The following KCNIP4 variants were observed in gnomAD, a reference collection of about 807,000 sequenced individuals.
The protein encoded by KCNIP4 is potassium voltage-gated channel interacting protein 4.
In KCNIP4, 12 loss-of-function variants were observed where a neutral mutation model predicts 34.0. That is an observed-to-expected ratio of 0.35 (90% confidence interval 0.23 to 0.57). The LOEUF is 0.57. KCNIP4 is among the 20% of genes least tolerant of loss of function. KCNIP4 has a pLI of 0.83. For synonymous variants in KCNIP4, 124 were observed against 102.2 expected, an observed-to-expected ratio of 1.21 and a Z score of -1.29; for missense variants, 238 against 311.7, an observed-to-expected ratio of 0.76 and a Z score of 1.78.
At chr4:20,969,576 G>A (rs1239760345) in intron 1 of KCNIP4, among the ~76,000 whole-genome samples, 2 of 151,972 alleles carry the variant, frequency 1.3e-5, no homozygotes, top group Admixed American at 1.3e-4. Context: ...GTGTGTGTGT[G>A]TGAAAAGACC....
intron 1 of KCNIP4, among the ~76,000 whole-genome samples, chr4:21,790,728 G>A (rs921470807): frequency 1.3e-5 from 2 of 151,932 alleles, no homozygotes; most frequent in Admixed American, 1.3e-4. Flanking sequence ...CTTAATCATT[G>A]CCTTATAATC....
intron 1 of KCNIP4, among the ~76,000 whole-genome samples, chr4:21,707,404 T>C (rs1364458296): frequency 1.3e-5 from 2 of 152,100 alleles, no homozygotes; most frequent in Admixed American, 1.3e-4. Context: ...GAAGATGAGA[T>C]TGAACTATTC....
intron 3 of KCNIP4, among the ~76,000 whole-genome samples, chr4:20,846,008 C>T (rs1720324292): frequency 6.6e-6 from 1 of 152,090 alleles, no homozygotes; most frequent in Non-Finnish European, 1.5e-5. Flanking sequence ...TTTCTAAATC[C>T]ATTTAGTATT....
chr4:20,994,987 A>G (rs995146011), intron 1 of KCNIP4, among the ~76,000 whole-genome samples: 1 of 152,144 alleles, frequency 6.6e-6, no homozygotes, highest in African/African-American at 2.4e-5. Context: ...CATCTTATAC[A>G]TTTCAGTTAA....
chr4:21,393,002 A>G (rs776690124), intron 1 of KCNIP4, among the ~76,000 whole-genome samples: 10 of 152,184 alleles, frequency 6.6e-5, no homozygotes, highest in Non-Finnish European at 1.0e-4. Context: ...CTTTTTAAAC[A>G]CATTGATTTG....
At chr4:21,426,910 T>A (rs1320163070) in intron 1 of KCNIP4, among the ~76,000 whole-genome samples, 1 of 152,156 alleles carries the variant, frequency 6.6e-6, no homozygotes, top group Non-Finnish European at 1.5e-5. Flanking sequence ...AACTTTTTTT[T>A]TTTTTTCTTT....
chr4:21,743,929 G>A (rs1716595471), intron 1 of KCNIP4, among the ~76,000 whole-genome samples: 1 of 151,568 alleles, frequency 6.6e-6, no homozygotes, highest in Non-Finnish European at 1.5e-5. Context: ...ATAAAGTAAT[G>A]CTTTGCCTGA....
intron 1 of KCNIP4, among the ~76,000 whole-genome samples, chr4:21,457,135 A>T (rs66773055): frequency 0.12 from 17,767 of 151,962 alleles, 1,229 homozygotes; most frequent in South Asian, 0.16. Context: ...GAAATCTTTC[A>T]TTTAGTGGAG....
In KCNIP4 at chr4:21,665,519, C is replaced by G. The variant is rs201594997; in HGVS notation, c.61+283052G>C. Reference sequence around the variant, plus strand: ...CTTTTCTATCACAGGGCACCCCCCCCCCCTCATTTTATACATGTATTTTCT... The same window carrying G: ...CTTTTCTATCACAGGGCACCCCCCCGCCCTCATTTTATACATGTATTTTCT... On this transcript the variant is annotated intron_variant, in intron 1 of 8. Transcript: ENST00000382152. Among the ~76,000 whole-genome samples, 316 of 149,722 alleles carry G rather than the reference C, an allele frequency of 2.1e-3. 9 individuals carry two copies. The East Asian group carries it at 0.042, about 20-fold the overall frequency.
intron 1 of KCNIP4, among the ~76,000 whole-genome samples, chr4:21,144,225 G>A (rs1007437715): frequency 6.6e-6 from 1 of 152,148 alleles, no homozygotes; most frequent in Non-Finnish European, 1.5e-5. Flanking sequence ...GCCAATATGT[G>A]AGTGGTACTT....
chr4:21,636,162 A>G (rs13121377), intron 1 of KCNIP4, among the ~76,000 whole-genome samples: 18,907 of 122,814 alleles, frequency 0.15, 1,763 homozygotes, highest in South Asian at 0.21. Context: ...GGGGGGAGGG[A>G]TAGCATTAGG....
chr4:21,066,584 A>G (rs1254386715), intron 1 of KCNIP4, among the ~76,000 whole-genome samples: 3 of 146,984 alleles, frequency 2.0e-5, no homozygotes, highest in African/African-American at 5.0e-5. Context: ...GCGCCTGGGG[A>G]AGGGAGAATG....
chr4:21,583,784 C>T (rs1406471492), intron 1 of KCNIP4, among the ~76,000 whole-genome samples: 3 of 151,802 alleles, frequency 2.0e-5, no homozygotes, highest in East Asian at 3.9e-4. Flanking sequence ...ATGATAAACT[C>T]GAGAAAAATC....
chr4:21,323,663 T>C (rs938663114), intron 1 of KCNIP4, among the ~76,000 whole-genome samples: 1 of 152,084 alleles, frequency 6.6e-6, no homozygotes, highest in Non-Finnish European at 1.5e-5. Flanking sequence ...TCCATTTGTT[T>C]TTGATAGACA....
At chr4:21,071,524 G>A (rs76520301) in intron 1 of KCNIP4, among the ~76,000 whole-genome samples, 6 of 152,066 alleles carry the variant, frequency 3.9e-5, no homozygotes, top group Non-Finnish European at 7.3e-5. Context: ...CTTTACCTAC[G>A]TTATTATTTT....
intron 1 of KCNIP4, among the ~76,000 whole-genome samples, chr4:21,920,391 G>A (rs1728874016): frequency 6.6e-6 from 1 of 152,110 alleles, no homozygotes; most frequent in Non-Finnish European, 1.5e-5. Context: ...AATTTGCCCT[G>A]TATTAGAGAT....
chr4:21,637,553 C>T (rs780060077), intron 1 of KCNIP4, among the ~76,000 whole-genome samples: 13 of 151,780 alleles, frequency 8.6e-5, no homozygotes, highest in East Asian at 3.9e-4. Flanking sequence ...GAGACTGAGG[C>T]GGGTGGATGG....
At chr4:21,575,686 A>AG (rs1740698491) in intron 1 of KCNIP4, among the ~76,000 whole-genome samples, 1 of 152,236 alleles carries the variant, frequency 6.6e-6, no homozygotes, top group Non-Finnish European at 1.5e-5. Flanking sequence ...TCAAATATTT[A>AG]AATCACATTT....
At chr4:20,851,914 C>T (rs73242527) in intron 2 of KCNIP4, among the ~76,000 whole-genome samples, 53,473 of 151,958 alleles carry the variant, frequency 0.35, 10,414 homozygotes, top group Admixed American at 0.46. Flanking sequence ...ACTTGGGAGG[C>T]GGAGGTGGGA....
Sources: allele counts gnomAD v4.1 joint callset (sites outside exome capture counted in the v4.1 genomes callset), GRCh38; gene constraint gnomAD v4.1.1; transcripts MANE v1.5; gene names NCBI Gene and HGNC (gene_info 2026-07-23, HGNC 2026-07-21).